BRD7: variants seen among roughly 807,000 people sequenced by gnomAD.
The protein encoded by BRD7 is bromodomain-containing protein 7.
Under a neutral mutation model 82.1 loss-of-function variants are expected in BRD7, and 15 were observed. The ratio of observed to expected loss-of-function variants is 0.18; its 90% CI spans 0.12 to 0.28. The LOEUF (loss-of-function observed/expected upper bound fraction) is 0.28, where lower values mean the gene tolerates loss of function less well. Ranked by LOEUF, BRD7 falls within the 10% of genes least tolerant of loss-of-function variation. The pLI is 1.00. For synonymous variants in BRD7, 232 were observed against 266.9 expected (o/e 0.87, Z 1.27); for missense variants, 638 against 779.9 (o/e 0.82, Z 2.17).
chr16:50,320,534 C>A, intron 14 of BRD7, 129 bp downstream of exon 14: 1 of 1,403,658 alleles, frequency 7.1e-7, no homozygotes, highest in Non-Finnish European at 1.0e-6. Context: ...ACGCCATACC[C>A]ATTCATTTAA....
chr16:50,327,551 C>T (rs1181081958), intron 9 of BRD7, among the ~76,000 whole-genome samples: 1 of 152,122 alleles, frequency 6.6e-6, no homozygotes, highest in Admixed American at 6.5e-5. Context: ...TACTGTTCTC[C>T]TCCTTTAGAG....
Position 50,324,169 on chromosome 16 carries a change from G to A in BRD7, c.1332-471C>T, listed in dbSNP as rs77548758. ...AATGTTCCAAAGCTTCCCCCTTCTC[G>A]GTAAATAGCAACTGCAGTCTTCCAG... On this transcript the variant is annotated intron_variant, in intron 11 of 16. Coordinates refer to ENST00000394688, the MANE Select transcript of BRD7 (RefSeq NM_013263.5). Among the ~76,000 whole-genome samples, 131 of 152,116 alleles carry A rather than the reference G, an allele frequency of 8.6e-4. 2 individuals are homozygous for A. In the East Asian group the frequency reaches 0.022, roughly 25 times the overall value.
chr16:50,354,753 G>A, intron 3 of BRD7, 40 bp downstream of exon 3: 1 of 1,585,340 alleles, frequency 6.3e-7, no homozygotes. Flanking sequence ...AATGATTTCA[G>A]CCTCCTCATT....
At chr16:50,364,946 G>A (rs994176479) in intron 2 of BRD7, among the ~76,000 whole-genome samples, 1 of 152,198 alleles carries the variant, frequency 6.6e-6, no homozygotes, top group East Asian at 1.9e-4. Flanking sequence ...ACAAGACGAT[G>A]GCCGGAACAA....
chr16:50,319,360 T>A, intron 16 of BRD7, 94 bp from the exon 17 acceptor site: 1 of 1,187,310 alleles, frequency 8.4e-7, no homozygotes, highest in Non-Finnish European at 1.2e-6. Context: ...GAAGCATAAC[T>A]GCTGAGAGCC....
chr16:50,327,873 T>C (rs767212681), intron 9 of BRD7, among the ~76,000 whole-genome samples: 1 of 152,228 alleles, frequency 6.6e-6, no homozygotes, highest in Non-Finnish European at 1.5e-5. Flanking sequence ...TGTTCTCTAC[T>C]ACACAGCTAG....
At chr16:50,345,376 C>T (rs1169284874) in intron 5 of BRD7, among the ~76,000 whole-genome samples, 1 of 152,142 alleles carries the variant, frequency 6.6e-6, no homozygotes, top group Non-Finnish European at 1.5e-5. Flanking sequence ...AGCAAAATAA[C>T]CAGCTAACAT....
intron 4 of BRD7, among the ~76,000 whole-genome samples, chr16:50,353,851 G>A (rs1282923869): frequency 6.6e-6 from 1 of 151,330 alleles, no homozygotes; most frequent in African/African-American, 2.4e-5. Context: ...GCCCGCCTCG[G>A]CCTCCCAAAG....
intron 12 of BRD7, among the ~76,000 whole-genome samples, 174 bp downstream of exon 12, chr16:50,323,413 A>G (rs1302828979): frequency 6.6e-6 from 1 of 152,238 alleles, no homozygotes; most frequent in East Asian, 1.9e-4. Flanking sequence ...CCTGGTAGCT[A>G]AATTACTCCT....
intron 9 of BRD7, among the ~76,000 whole-genome samples, chr16:50,327,366 A>C (rs1247345742): frequency 6.6e-6 from 1 of 152,214 alleles, no homozygotes. Context: ...GGTGTCACCT[A>C]CATCAGTTAG....
In BRD7 at chr16:50,328,651, G is replaced by C. The variant is rs775705058; in HGVS notation, c.1087+18C>G. 4 of 1,608,400 alleles carry C rather than the reference G, an allele frequency of 2.5e-6. No homozygotes were observed. The highest frequency in any genetic ancestry group is 1.1e-5 in the South Asian group (1 of 90,182). On this transcript the variant is annotated intron_variant, in intron 9 of 16. Coordinates refer to ENST00000394688, the MANE Select transcript of BRD7 (RefSeq NM_013263.5). ...CCAAATAGCATCAAGTTCATGCACA[G>C]TTTTACTCTGATCCTACCTCCTACA...
At chr16:50,349,219 G>A (rs1412648142) in intron 5 of BRD7, 8 of 197,598 alleles carry the variant, frequency 4.0e-5, no homozygotes, top group Non-Finnish European at 8.4e-5. Flanking sequence ...ACACAGGGTG[G>A]GGAACATCAC....
In BRD7 at chr16:50,329,375, G is replaced by GT. The variant is rs1267017202; in HGVS notation, c.1012-632dup. 2.0e-5 allele frequency among the ~76,000 whole-genome samples: 3 copies of GT among 152,160 alleles called. No homozygotes were observed. In the East Asian group the frequency reaches 5.8e-4, roughly 29 times the overall value. ...ACACCTACTTGGCTTTAAAACCAACGTGACAGGGACCCACCATCTCACTGC... is the reference window on the plus strand; with the variant it reads ...ACACCTACTTGGCTTTAAAACCAACGTTGACAGGGACCCACCATCTCACTGC... On this transcript the variant is annotated intron_variant, in intron 8 of 16. Transcript: ENST00000394688.
rs1024037652 is a variant in BRD7, at chr16:50,317,664, T to C, written c.*1547A>G. ...TTTTTAGTTTTCAGTGTTCAGGTTA[T>C]AGAATATAACTGACCATAAAAATTA... On this transcript the variant is annotated 3_prime_UTR_variant, in exon 17 of 17. Transcript: ENST00000394688. 5.9e-5 allele frequency: 9 copies of C among 152,350 alleles called. No individual in the cohort carries two copies. The highest frequency in any genetic ancestry group is 1.9e-4 in the African/African-American group (8 of 41,444). 9.4% of individuals were successfully genotyped at this position (152,350 alleles called of 1,614,324 possible). A position where few individuals can be genotyped will look rare whatever the true frequency, so the allele number is the denominator to read the frequency against.
intron 8 of BRD7, among the ~76,000 whole-genome samples, chr16:50,329,315 C>T (rs1014201368): frequency 3.3e-5 from 5 of 152,146 alleles, no homozygotes; most frequent in African/African-American, 1.2e-4. Context: ...TACTATGGAC[C>T]AGGTGAGGGC....
chr16:50,353,759 ATTTTTTTT>A (rs5816691), intron 4 of BRD7, among the ~76,000 whole-genome samples: 1 of 132,840 alleles, frequency 7.5e-6, no homozygotes, highest in Admixed American at 7.5e-5. Context: ...ATGCCTGGCA[ATTTTTTTT>A]TTTTTTTTTT....
chr16:50,334,334 C>G (rs1291067766), intron 7 of BRD7, among the ~76,000 whole-genome samples: 1 of 152,252 alleles, frequency 6.6e-6, no homozygotes, highest in African/African-American at 2.4e-5. Context: ...TAAGACGCAG[C>G]AGTGCCTGTG....
intron 5 of BRD7, among the ~76,000 whole-genome samples, chr16:50,345,477 T>C (rs540986947): frequency 4.6e-5 from 7 of 151,986 alleles, no homozygotes; most frequent in African/African-American, 9.7e-5. Context: ...GACTAGCAAA[T>C]TGGATAAAGA....
At chr16:50,326,545 T>G (rs1405834156) in intron 9 of BRD7, among the ~76,000 whole-genome samples, 154 bp from the exon 10 acceptor site, 1 of 152,092 alleles carries the variant, frequency 6.6e-6, no homozygotes, top group African/African-American at 2.4e-5. Flanking sequence ...TATAAGAAAA[T>G]CAAAGCTCAG....
Sources: allele counts gnomAD v4.1 joint callset (sites outside exome capture counted in the v4.1 genomes callset), GRCh38; gene constraint gnomAD v4.1.1; transcripts MANE v1.5; gene names NCBI Gene and HGNC (gene_info 2026-07-23, HGNC 2026-07-21).